ANO5: variants seen among roughly 807,000 people sequenced by gnomAD.
The protein encoded by ANO5 is anoctamin-5.
A neutral mutation model predicts 121.0 loss-of-function variants in ANO5; 109 were observed. The observed-to-expected ratio is 0.90, with a 90% confidence interval of 0.77 to 1.06. The LOEUF is 1.06. Ranked by LOEUF, ANO5 falls within the 50% of genes least tolerant of loss-of-function variation. The pLI, the probability that ANO5 is intolerant of heterozygous loss-of-function variation, is 0.00. For synonymous variants in ANO5, 406 were observed against 359.9 expected, an observed-to-expected ratio of 1.13 and a Z score of -1.45; for missense variants, 1,064 against 1,078.5, an observed-to-expected ratio of 0.99 and a Z score of 0.19.
chr11:22,211,024 T>C (rs1197879023), intron 2 of ANO5, among the ~76,000 whole-genome samples: 4 of 151,924 alleles, frequency 2.6e-5, no homozygotes, highest in African/African-American at 9.7e-5. Flanking sequence ...CTCTCTTTCC[T>C]CACTGCACAG....
At position 22,262,928 on chromosome 11, in the gene ANO5, C is replaced by A; in HGVS notation, c.1801-18C>A. 1 of 1,570,496 alleles carries A rather than the reference C, an allele frequency of 6.4e-7. No individual in the cohort carries two copies. Among genetic ancestry groups the A allele is most frequent in the Non-Finnish European group, 8.8e-7 (1 of 1,140,666 alleles). On this transcript the variant is annotated intron_variant, in intron 16 of 21. Coordinates refer to ENST00000324559, the MANE Select transcript of ANO5 (RefSeq NM_213599.3). ...TTGATCATTCAATTCTGTTTTCTCC[C>A]CTCTTGCTTCTGACTAGTGTGATCC...
Position 22,255,363 on chromosome 11 carries a change from A to G in ANO5, c.1181-8A>G. On this transcript the variant is annotated splice_region_variant and splice_polypyrimidine_tract_variant and intron_variant, in intron 12 of 21. Coordinates refer to ENST00000324559, the MANE Select transcript of ANO5 (RefSeq NM_213599.3). Reference sequence around the variant, plus strand: ...ATATCTTTTTTTTATATATTTATTTACCTATAGTCACCTTATTTTTGGAGT... The same window carrying G: ...ATATCTTTTTTTTATATATTTATTTGCCTATAGTCACCTTATTTTTGGAGT... 1 of 1,584,120 alleles carries G rather than the reference A, an allele frequency of 6.3e-7. No individual in the cohort carries two copies. Among genetic ancestry groups the G allele is most frequent in the South Asian group, 1.2e-5 (1 of 85,618 alleles).
chr11:22,274,614 T>C lies in ANO5; in HGVS notation c.2281T>C (p.Tyr761His), dbSNP rs1186876536. 6.2e-7 allele frequency: 1 copy of C among 1,612,148 alleles called. No individual in the cohort carries two copies. The highest frequency in any genetic ancestry group is 8.5e-7 in the Non-Finnish European group (1 of 1,178,592). Reference sequence around the variant, plus strand: ...GTCAGACATCATTCCCCGTCTAGTTTACTACTATGCTTACTCAACAAATGC... The same window carrying C: ...GTCAGACATCATTCCCCGTCTAGTTCACTACTATGCTTACTCAACAAATGC... Reference protein sequence around the residue: ...FTSDIIPRLVYYYAYSTNATQ... With the variant: ...FTSDIIPRLVHYYAYSTNATQ... Residue 761 changes from tyrosine to histidine, a missense_variant, in exon 20 of 22, where the codon TAC (tyrosine) becomes CAC (histidine). Transcript: ENST00000324559.
chr11:22,280,786 A>C lies in ANO5; in HGVS notation c.*1021A>C, dbSNP rs891501603. The C allele has an allele frequency of 2.0e-5, 3 of 152,018 alleles. No individual in the cohort carries two copies. Among genetic ancestry groups the C allele is most frequent in the African/African-American group, 7.2e-5 (3 of 41,450 alleles). The allele number at this position is 152,018 out of a possible 1,614,324, so 9.4% of individuals were successfully genotyped here. On this transcript the variant is annotated 3_prime_UTR_variant, in exon 22 of 22. Transcript: ENST00000324559. The stretch of plus-strand genomic sequence containing the variant: ...CTTTTCTATTGATGTATCATCTTAT[A>C]CAATGCTCAGTGCCTTGTTCCAATA...
intron 17 of ANO5, among the ~76,000 whole-genome samples, chr11:22,264,555 G>T (rs1364631478): frequency 6.6e-6 from 1 of 151,216 alleles, no homozygotes; most frequent in Non-Finnish European, 1.5e-5. Context: ...TTCAAAATGT[G>T]GTAATATTTA....
At chr11:22,246,204 C>T (rs915037637) in intron 9 of ANO5, among the ~76,000 whole-genome samples, 8 of 152,278 alleles carry the variant, frequency 5.3e-5, no homozygotes, top group African/African-American at 1.9e-4. Flanking sequence ...TCACTCTTTT[C>T]AGATCCTTTC....
intron 8 of ANO5, among the ~76,000 whole-genome samples, chr11:22,238,281 T>G (rs1186000261): frequency 6.8e-5 from 10 of 147,122 alleles, no homozygotes; most frequent in Non-Finnish European, 1.5e-4. Context: ...CCTCATAGTT[T>G]TTTTTTTTTT....
At chr11:22,248,252 G>A (rs114006008) in intron 9 of ANO5, among the ~76,000 whole-genome samples, 2 of 151,984 alleles carry the variant, frequency 1.3e-5, no homozygotes, top group Admixed American at 1.3e-4. Flanking sequence ...GTTAAATGGT[G>A]CAGTGCCACA....
chr11:22,258,965 C>T (rs1400953544), intron 14 of ANO5, among the ~76,000 whole-genome samples: 1 of 151,978 alleles, frequency 6.6e-6, no homozygotes, highest in Non-Finnish European at 1.5e-5. Flanking sequence ...AACCCCGTCT[C>T]TACTAAAAAT....
chr11:22,235,782 G>T (rs1243631778), intron 7 of ANO5, among the ~76,000 whole-genome samples: 1 of 152,086 alleles, frequency 6.6e-6, no homozygotes, highest in African/African-American at 2.4e-5. Context: ...AAGACAGCTT[G>T]GATAAATATC....
chr11:22,208,441 A>G (rs1425420249), intron 2 of ANO5, among the ~76,000 whole-genome samples: 1 of 152,074 alleles, frequency 6.6e-6, no homozygotes. Context: ...CACATATGTT[A>G]TGATTCCATT....
chr11:22,226,128 T>A (rs1388806995), intron 6 of ANO5, 76 bp downstream of exon 6: 7 of 1,236,712 alleles, frequency 5.7e-6, no homozygotes, highest in Non-Finnish European at 7.1e-6. Context: ...TTTGCCTGGA[T>A]AGACTCTGTG....
intron 6 of ANO5, among the ~76,000 whole-genome samples, chr11:22,226,558 C>T (rs1416528735): frequency 6.6e-6 from 1 of 151,942 alleles, no homozygotes; most frequent in African/African-American, 2.4e-5. Flanking sequence ...AAGATCCTGT[C>T]TCTACAAAAA....
At position 22,279,998 on chromosome 11, in the gene ANO5, G is replaced by C. The variant is rs536759744; in HGVS notation, c.*233G>C. On this transcript the variant is annotated 3_prime_UTR_variant, in exon 22 of 22. Transcript: ENST00000324559. ...CCCTCTCCAGATGTTGTTTTCTGAG[G>C]TGCTGTAAATGACTGTTGAAAGTGC... The C allele has an allele frequency of 1.9e-6, 1 of 522,388 alleles. No individual in the cohort carries two copies. The highest frequency in any genetic ancestry group is 2.3e-5 in the South Asian group (1 of 43,372). 32.4% of individuals were successfully genotyped at this position (522,388 alleles called of 1,614,324 possible). A position where few individuals can be genotyped will look rare whatever the true frequency, so the allele number is the denominator to read the frequency against.
intron 2 of ANO5, among the ~76,000 whole-genome samples, chr11:22,204,366 C>T (rs1852049644): frequency 6.6e-6 from 1 of 152,038 alleles, no homozygotes; most frequent in African/African-American, 2.4e-5. Context: ...ATTTATATTG[C>T]TTCTATACTG....
chr11:22,214,263 T>C (rs967111567), intron 3 of ANO5, among the ~76,000 whole-genome samples: 1 of 151,890 alleles, frequency 6.6e-6, no homozygotes, highest in Non-Finnish European at 1.5e-5. Flanking sequence ...TTGTGTTTAG[T>C]TTTGTTTTGA....
chr11:22,210,540 G>C (rs76975356), intron 2 of ANO5, among the ~76,000 whole-genome samples: 9,204 of 151,948 alleles, frequency 0.061, 927 homozygotes, highest in African/African-American at 0.21. Context: ...TCTGTTGGTT[G>C]ATGTCTCTCC....
chr11:22,211,208 C>A, intron 2 of ANO5, 56 bp from the exon 3 acceptor site: 1 of 1,577,582 alleles, frequency 6.3e-7, no homozygotes. Flanking sequence ...TAAAAGCACC[C>A]TTTGCTCCAC....
chr11:22,270,338 G>A lies in ANO5; in HGVS notation c.1925G>A (p.Arg642Gln), dbSNP rs199532484. ...YPLALNWWRR[R>Q]KARTNSEKLY... ...TTGGCTTTGAATTGGTGGAGACGCCGAAAAGCTCGGACAAACTCTGAGAAG... is the reference window on the plus strand; with the variant it reads ...TTGGCTTTGAATTGGTGGAGACGCCAAAAAGCTCGGACAAACTCTGAGAAG... The change falls in exon 18 of 22, where the codon CGA becomes CAA. Residue 642 changes from arginine (R) to glutamine (Q), a missense_variant. Physicochemically the swap from Arg to Gln is conservative, Grantham distance 43. Transcript: ENST00000324559. The A allele has an allele frequency of 1.2e-5, 19 of 1,613,942 alleles. No homozygotes were observed. The highest frequency in any genetic ancestry group is 2.7e-5 in the African/African-American group (2 of 74,890).
Sources: gnomAD v4.1 joint callset for allele counts (sites outside exome capture counted in the v4.1 genomes callset) on GRCh38, gnomAD v4.1.1 for gene constraint, MANE v1.5 for transcripts, NCBI Gene and HGNC (gene_info 2026-07-23, HGNC 2026-07-21) for gene names.